Variants in FAF1 observed in about 807,000 individuals in gnomAD.
The protein encoded by FAF1 is Fas associated factor 1.
Under a neutral mutation model 92.5 loss-of-function variants are expected in FAF1, and 25 were observed. That is an observed-to-expected ratio of 0.27 (90% CI 0.20 to 0.38). The LOEUF (loss-of-function observed/expected upper bound fraction) is 0.38. Among genes scored for constraint, FAF1 ranks in the 10% least tolerant of loss-of-function variants. The pLI is 1.00. For missense variants in FAF1, 636 were observed against 793.3 expected (o/e 0.80, Z 2.38); for synonymous variants, 234 against 273.2 (o/e 0.86, Z 1.42).
At chr1:50,942,747 GT>G (rs528629170) in intron 1 of FAF1, among the ~76,000 whole-genome samples, 120 of 140,186 alleles carry the variant, frequency 8.6e-4, no homozygotes, top group Admixed American at 6.5e-4. Context: ...AGTTGTCGTT[GT>G]TTTTTTTTTT....
intron 4 of FAF1, among the ~76,000 whole-genome samples, chr1:50,759,304 C>T (rs1372964300): frequency 8.2e-6 from 1 of 121,324 alleles, no homozygotes; most frequent in Non-Finnish European, 1.7e-5. Flanking sequence ...TCCCCCCTCC[C>T]CCCCACCCCA....
At chr1:50,765,897 C>G (rs1660551120) in intron 4 of FAF1, among the ~76,000 whole-genome samples, 2 of 152,108 alleles carry the variant, frequency 1.3e-5, no homozygotes, top group African/African-American at 4.8e-5. Context: ...TCAAGACCAG[C>G]CTGGCCAACA....
intron 18 of FAF1, chr1:50,462,132 T>C (rs1455365658): frequency 6.6e-6 from 1 of 150,914 alleles, no homozygotes; most frequent in Admixed American, 6.6e-5. Context: ...TGGTTTCTCC[T>C]GGACTTTGCC....
intron 13 of FAF1, among the ~76,000 whole-genome samples, chr1:50,543,152 T>C (rs533664116): frequency 4.0e-4 from 61 of 152,286 alleles, no homozygotes; most frequent in African/African-American, 1.2e-3. Flanking sequence ...AAATCAGATA[T>C]GGCAAAAAGT....
chr1:50,458,994 CAG>C (rs966243259), intron 18 of FAF1, among the ~76,000 whole-genome samples: 13 of 146,802 alleles, frequency 8.9e-5, no homozygotes, highest in Non-Finnish European at 7.5e-5. Flanking sequence ...TTTTTTGAGA[CAG>C]AGTCTTGTTC....
chr1:50,545,568 C>T (rs1367500935), intron 13 of FAF1, among the ~76,000 whole-genome samples: 1 of 151,028 alleles, frequency 6.6e-6, no homozygotes, highest in Non-Finnish European at 1.5e-5. Context: ...ACCATGCCCA[C>T]CTAAAGCTAT....
intron 13 of FAF1, 141 bp from the exon 14 acceptor site, chr1:50,539,869 T>C: frequency 3.2e-6 from 2 of 627,158 alleles, no homozygotes; most frequent in Admixed American, 3.0e-5. Flanking sequence ...TCTTGCTATA[T>C]TGAGTTTTCA....
At chr1:50,444,859 T>G (rs558328762) in intron 18 of FAF1, among the ~76,000 whole-genome samples, 38 of 151,110 alleles carry the variant, frequency 2.5e-4, no homozygotes, top group African/African-American at 9.3e-4. Flanking sequence ...ACTCTAAAGC[T>G]GATGATATGA....
chr1:50,631,443 A>C (rs1653785274), intron 8 of FAF1, among the ~76,000 whole-genome samples: 1 of 152,146 alleles, frequency 6.6e-6, no homozygotes, highest in African/African-American at 2.4e-5. Context: ...GATTTATCAG[A>C]TTGACTGTCA....
intron 4 of FAF1, among the ~76,000 whole-genome samples, chr1:50,784,162 G>A (rs771163235): frequency 3.2e-4 from 48 of 152,164 alleles, no homozygotes; most frequent in Middle Eastern, 3.4e-3. Flanking sequence ...TCTATTCAAC[G>A]TAGTACTGGA....
chr1:50,492,040 T>G (rs1168920640), intron 15 of FAF1, among the ~76,000 whole-genome samples: 1 of 152,150 alleles, frequency 6.6e-6, no homozygotes, highest in Non-Finnish European at 1.5e-5. Flanking sequence ...GTATAAGTTA[T>G]TTAACTTCTC....
chr1:50,783,320 A>G lies in FAF1; in HGVS notation c.367+4680T>C, dbSNP rs12076155. ...GCCAAGCCTTCTCACACTCTTCCGA[A>G]AAACTGAAGGAGGGAATACTTCCTA... is the stretch of plus-strand genomic sequence containing the variant. On this transcript the variant is annotated intron_variant, in intron 4 of 18. Coordinates refer to ENST00000396153, the MANE Select transcript of FAF1 (RefSeq NM_007051.3). Among the ~76,000 whole-genome samples the G allele has an allele frequency of 9.8e-3, 1,499 of 152,298 alleles. 22 individuals carry two copies. Among genetic ancestry groups the G allele is most frequent in the African/African-American group, 0.034 (1,421 of 41,560 alleles).
chr1:50,804,175 T>G (rs112522393), intron 2 of FAF1, among the ~76,000 whole-genome samples: 3,058 of 152,300 alleles, frequency 0.02, 101 homozygotes, highest in African/African-American at 0.071. Flanking sequence ...TAAGACAGCT[T>G]GCCTTCTACG....
intron 2 of FAF1, among the ~76,000 whole-genome samples, chr1:50,851,613 T>C (rs1050593582): frequency 2.0e-5 from 3 of 152,254 alleles, no homozygotes; most frequent in Non-Finnish European, 4.4e-5. Flanking sequence ...CAGCGTGTTC[T>C]GCTAGATGAT....
intron 1 of FAF1, among the ~76,000 whole-genome samples, chr1:50,928,058 T>C (rs1645019683): frequency 6.6e-6 from 1 of 152,208 alleles, no homozygotes; most frequent in African/African-American, 2.4e-5. Context: ...GACTGTGATT[T>C]TGCTGAGGTG....
At chr1:50,745,100 C>A (rs1659537156) in intron 4 of FAF1, among the ~76,000 whole-genome samples, 1 of 151,904 alleles carries the variant, frequency 6.6e-6, no homozygotes, top group African/African-American at 2.4e-5. Flanking sequence ...CTGGTCTGAC[C>A]AACATGGTGA....
chr1:50,682,092 C>T (rs1180364669), intron 7 of FAF1, among the ~76,000 whole-genome samples: 1 of 151,972 alleles, frequency 6.6e-6, no homozygotes, highest in East Asian at 2.0e-4. Context: ...ACTTTGGCCT[C>T]CCAAAGTGAA....
chr1:50,718,615 AT>A (rs1658286639), intron 6 of FAF1, among the ~76,000 whole-genome samples: 1 of 152,190 alleles, frequency 6.6e-6, no homozygotes, highest in African/African-American at 2.4e-5. Flanking sequence ...TCTTCACTAG[AT>A]TTTATTTTCT....
chr1:50,645,796 C>T (rs1654549677), intron 8 of FAF1, among the ~76,000 whole-genome samples: 1 of 151,484 alleles, frequency 6.6e-6, no homozygotes, highest in Admixed American at 6.6e-5. Context: ...CCACTGCAGT[C>T]CAGCCTGGGG....
Sources: gnomAD v4.1 joint callset for allele counts (sites outside exome capture counted in the v4.1 genomes callset) on GRCh38, gnomAD v4.1.1 for gene constraint, MANE v1.5 for transcripts, NCBI Gene and HGNC (gene_info 2026-07-23, HGNC 2026-07-21) for gene names.